GPR139: variants seen among roughly 807,000 people sequenced by gnomAD.
GPR139 encodes the protein probable G protein-coupled receptor 139.
Under a neutral mutation model 25.8 loss-of-function variants are expected in GPR139, and 12 were observed. That is an observed-to-expected ratio of 0.47 (90% CI 0.30 to 0.75). GPR139 has a LOEUF of 0.75. Among genes scored for constraint, GPR139 ranks in the 30% least tolerant of loss-of-function variants. The pLI is 0.07. For missense variants in GPR139, 380 were observed against 450.2 expected (o/e 0.84, Z 1.41); for synonymous variants, 184 against 179.9 (o/e 1.02, Z -0.18).
At chr16:20,049,229 C>A (rs187219568) in intron 1 of GPR139, among the ~76,000 whole-genome samples, 1 of 152,032 alleles carries the variant, frequency 6.6e-6, no homozygotes, top group Non-Finnish European at 1.5e-5. Context: ...GATGGATGAA[C>A]GGATGGATAG....
rs1348344483 is a variant in GPR139 at position 20,073,824 on chromosome 16, GGCGCGGGGCGCAGGGTGCGGGGCGCGCT to G, written c.-236_-209del. 5.0e-6 allele frequency: 3 copies of G among 598,926 alleles called. No individual in the cohort carries two copies. Among genetic ancestry groups the G allele is most frequent in the Admixed American group, 4.3e-5 (1 of 23,462 alleles). The allele number at this position is 598,926 out of a possible 1,614,324, so 37.1% of individuals were successfully genotyped here. ...GAGTCTTGGCTCAGCCCTCCCGCAG[GGCGCGGGGCGCAGGGTGCGGGGCGCGCT>G]GCGCGGGGCCTCGGGAGGGGCTCCC... On this transcript the variant is annotated 5_prime_UTR_variant, in exon 1 of 2. Coordinates refer to ENST00000570682, the MANE Select transcript of GPR139 (RefSeq NM_001002911.4). The surrounding 1 kb of genome is among the most constrained non-coding windows in gnomAD (Gnocchi z 4.7).
intron 1 of GPR139, among the ~76,000 whole-genome samples, chr16:20,055,814 C>G (rs1472392586): frequency 6.6e-6 from 1 of 152,236 alleles, no homozygotes; most frequent in Non-Finnish European, 1.5e-5. Flanking sequence ...AGCATAGGCT[C>G]TAGCACCTGC....
chr16:20,030,796 T>C lies in GPR139; in HGVS notation c.*939A>G, dbSNP rs942576375. Among the ~76,000 whole-genome samples, 2 of 152,088 alleles carry C rather than the reference T, an allele frequency of 1.3e-5. No individual in the cohort carries two copies. The highest frequency in any genetic ancestry group is 4.8e-5 in the African/African-American group (2 of 41,408). ...TCGGAAGTCACTTCAAATAAAACAATTTGGTGAGGGCCTCAGCAAGCAAGG... is the reference window on the plus strand; with the variant it reads ...TCGGAAGTCACTTCAAATAAAACAACTTGGTGAGGGCCTCAGCAAGCAAGG... On this transcript the variant is annotated 3_prime_UTR_variant, in exon 2 of 2. Transcript: ENST00000570682.
chr16:20,060,945 T>C (rs1397947947), intron 1 of GPR139, among the ~76,000 whole-genome samples: 1 of 152,180 alleles, frequency 6.6e-6, no homozygotes, highest in East Asian at 1.9e-4. Context: ...AGTTCTCTTG[T>C]CTGGGTCAAT....
chr16:20,041,071 C>G (rs1249652997), intron 1 of GPR139, among the ~76,000 whole-genome samples: 4 of 146,854 alleles, frequency 2.7e-5, no homozygotes, highest in Admixed American at 7.0e-5. Context: ...GCTGGTTCCA[C>G]TGCACTCCAG....
intron 1 of GPR139, among the ~76,000 whole-genome samples, chr16:20,062,899 A>C (rs1053870296): frequency 6.6e-6 from 1 of 152,146 alleles, no homozygotes; most frequent in Non-Finnish European, 1.5e-5. Flanking sequence ...TGTGTATTTC[A>C]TGCTTCCAGC....
intron 1 of GPR139, among the ~76,000 whole-genome samples, chr16:20,051,811 G>A (rs753615102): frequency 2.6e-5 from 4 of 152,144 alleles, no homozygotes; most frequent in Admixed American, 2.6e-4. Flanking sequence ...CTTCTTTTCT[G>A]GTTTCAGGAC....
In GPR139 at chr16:20,032,384, G is replaced by A. The variant is rs146922265; in HGVS notation, c.413C>T (p.Thr138Met). ...CCGGGTGCGGGCTGGGTATGAGACC[G>A]TGTGGTACTTGAGCGGGTGGCAGAC... is the stretch of plus-strand genomic sequence containing the variant. Reference protein sequence around the residue: ...IAVCHPLKYHTVSYPARTRKV... With the variant: ...IAVCHPLKYHMVSYPARTRKV... The change falls in exon 2 of 2, where the codon ACG becomes ATG. Residue 138 changes from threonine (T) to methionine (M), a missense_variant. Coordinates refer to ENST00000570682, the MANE Select transcript of GPR139 (RefSeq NM_001002911.4). 4.3e-5 allele frequency: 70 copies of A among 1,614,070 alleles called. No homozygotes were observed. The African/African-American group carries it at 5.7e-4, about 13-fold the overall frequency.
intron 1 of GPR139, among the ~76,000 whole-genome samples, chr16:20,051,896 C>T (rs572755109): frequency 2.4e-4 from 37 of 152,164 alleles, no homozygotes; most frequent in Non-Finnish European, 4.4e-4. Context: ...GCGCTGGATC[C>T]AGAGCTGATA....
rs56189908 is a variant in GPR139, at chr16:20,052,788, CAAA to C, written c.128-20122_128-20120del. On this transcript the variant is annotated intron_variant, in intron 1 of 1. Transcript: ENST00000570682. ...TGGGTGACAGAGCAAGACTCCATCTCAAAAAAAAAAAAAAAAGCTTCCATTTAA... is the reference window on the plus strand; with the variant it reads ...TGGGTGACAGAGCAAGACTCCATCTCAAAAAAAAAAAAAGCTTCCATTTAA... 4.0e-3 allele frequency among the ~76,000 whole-genome samples: 489 copies of C among 121,968 alleles called. 5 individuals are homozygous for C. The highest frequency in any genetic ancestry group is 0.027 in the Middle Eastern group (6 of 222). The allele number at this position is 121,968 out of a possible 152,430, so 80.0% of individuals were successfully genotyped here.
At chr16:20,040,757 AG>A (rs2057326812) in intron 1 of GPR139, among the ~76,000 whole-genome samples, 1 of 152,154 alleles carries the variant, frequency 6.6e-6, no homozygotes, top group South Asian at 2.1e-4. Flanking sequence ...CTCACGTTGG[AG>A]GCTACAAAAG....
intron 1 of GPR139, among the ~76,000 whole-genome samples, chr16:20,065,884 A>G (rs2057432309): frequency 6.6e-6 from 1 of 152,144 alleles, no homozygotes; most frequent in Non-Finnish European, 1.5e-5. Flanking sequence ...TCTCAAAAAA[A>G]AAAAAAAAAA....
At position 20,055,847 on chromosome 16, in the gene GPR139, T is replaced by G. The variant is rs551052450; in HGVS notation, c.127+17643A>C. Among the ~76,000 whole-genome samples, 7 of 152,376 alleles carry G rather than the reference T, an allele frequency of 4.6e-5. No homozygotes were observed. The South Asian group carries it at 1.4e-3, about 32-fold the overall frequency. On this transcript the variant is annotated intron_variant, in intron 1 of 1. Coordinates refer to ENST00000570682, the MANE Select transcript of GPR139 (RefSeq NM_001002911.4). ...TGCTGCCTGGGTCTGAAGCTTGGCT[T>G]TGAGCCATTTAGTAATTTGCCATGT...
intron 1 of GPR139, among the ~76,000 whole-genome samples, chr16:20,042,917 G>A (rs1380411590): frequency 6.6e-6 from 1 of 152,166 alleles, no homozygotes; most frequent in Non-Finnish European, 1.5e-5. Flanking sequence ...GGGCTTAGTG[G>A]TGCTTTGATG....
At chr16:20,039,001 A>G (rs970446079) in intron 1 of GPR139, among the ~76,000 whole-genome samples, 14 of 152,170 alleles carry the variant, frequency 9.2e-5, no homozygotes, top group Non-Finnish European at 2.1e-4. Context: ...AGGAAACCCA[A>G]CCAATCCCAT....
chr16:20,050,286 C>T (rs187535170), intron 1 of GPR139, among the ~76,000 whole-genome samples: 318 of 152,150 alleles, frequency 2.1e-3, no homozygotes, highest in African/African-American at 6.8e-3. Flanking sequence ...TAGGAGGGAA[C>T]GAAATGTGCA....
chr16:20,043,310 C>T (rs1017261165), intron 1 of GPR139, among the ~76,000 whole-genome samples: 2 of 152,180 alleles, frequency 1.3e-5, no homozygotes, highest in African/African-American at 4.8e-5. Flanking sequence ...GAAACCACAT[C>T]CAAGCCAGCC....
chr16:20,031,877 TG>T lies in GPR139; in HGVS notation c.919del (p.Gln307ArgfsTer15). ...AATLKAFFKC[Q>X]KQPVQFYTNH... ...GGTGTAGAACTGTACAGGTTGCTTC[TG>T]GCACTTGAAGAAAGCCTTGAGCGTG... On this transcript the variant is annotated frameshift_variant, in exon 2 of 2. Coordinates refer to ENST00000570682, the MANE Select transcript of GPR139 (RefSeq NM_001002911.4). LOFTEE classifies it high-confidence loss of function. 1.2e-6 allele frequency: 2 copies of T among 1,614,244 alleles called. No homozygotes were observed. The highest frequency in any genetic ancestry group is 1.7e-6 in the Non-Finnish European group (2 of 1,180,048).
chr16:20,051,363 GA>G (rs893094120), intron 1 of GPR139, among the ~76,000 whole-genome samples: 6 of 152,190 alleles, frequency 3.9e-5, no homozygotes, highest in African/African-American at 1.4e-4. Flanking sequence ...AAGAACATTA[GA>G]AAATTCTTTG....
Sources: gnomAD v4.1 joint callset for allele counts (sites outside exome capture counted in the v4.1 genomes callset) on GRCh38, gnomAD v4.1.1 for gene constraint, Gnocchi (gnomAD v3.1) non-coding constraint, MANE v1.5 for transcripts, NCBI Gene and HGNC (gene_info 2026-07-23, HGNC 2026-07-21) for gene names.